Variants in CCDC73 observed in about 807,000 individuals in gnomAD.
The protein encoded by CCDC73 is coiled-coil domain-containing protein 73.
CCDC73 carries 95 observed loss-of-function variants against 116.5 expected under a neutral mutation model. The ratio of observed to expected loss-of-function variants is 0.82; its 90% CI spans 0.69 to 0.97. The LOEUF is 0.97. CCDC73 is among the 50% of genes least tolerant of loss of function. CCDC73 has a pLI of 0.00. For missense variants in CCDC73, 1,066 were observed against 1,206.8 expected, an observed-to-expected ratio of 0.88 and a Z score of 1.73; for synonymous variants, 398 against 401.3, an observed-to-expected ratio of 0.99 and a Z score of 0.10.
intron 1 of CCDC73, among the ~76,000 whole-genome samples, chr11:32,776,942 T>C (rs1329071952): frequency 7.4e-5 from 2 of 26,852 alleles, no homozygotes; most frequent in East Asian, 6.2e-3. Context: ...AAAAAATATA[T>C]ATATATATAT....
At chr11:32,782,647 A>T (rs1850593578) in intron 1 of CCDC73, among the ~76,000 whole-genome samples, 2 of 152,252 alleles carry the variant, frequency 1.3e-5, no homozygotes, top group South Asian at 4.1e-4. Context: ...CAGAGGAAGC[A>T]AACATTAAGC....
intron 3 of CCDC73, among the ~76,000 whole-genome samples, chr11:32,714,198 C>T (rs1322075990): frequency 1.3e-5 from 2 of 152,064 alleles, no homozygotes; most frequent in African/African-American, 2.4e-5. Flanking sequence ...ACTAATGGCA[C>T]ACTGTATCTG....
At chr11:32,723,914 G>A (rs1850010881) in intron 2 of CCDC73, among the ~76,000 whole-genome samples, 1 of 151,600 alleles carries the variant, frequency 6.6e-6, no homozygotes, top group Non-Finnish European at 1.5e-5. Context: ...AAAGACAGAT[G>A]GAAGAAAAAA....
intron 1 of CCDC73, among the ~76,000 whole-genome samples, chr11:32,780,233 G>A (rs1040476145): frequency 7.9e-5 from 12 of 151,774 alleles, no homozygotes; most frequent in African/African-American, 2.4e-4. Context: ...AAGATTGCAC[G>A]ACTGCACTCC....
the CCDC73 span, among the ~76,000 whole-genome samples, chr11:32,826,640 A>C: frequency 7.0e-6 from 1 of 142,852 alleles, no homozygotes; most frequent in African/African-American, 2.7e-5. Flanking sequence ...TTGCTTGATA[A>C]TAACTCAAAA....
chr11:32,739,185 G>A (rs1016730337), intron 2 of CCDC73, among the ~76,000 whole-genome samples: 5 of 151,996 alleles, frequency 3.3e-5, no homozygotes, highest in Admixed American at 2.6e-4. Flanking sequence ...TGGGTCTTTC[G>A]TGGTTCCATA....
intron 12 of CCDC73, among the ~76,000 whole-genome samples, chr11:32,643,755 T>C (rs1469173936): frequency 6.6e-6 from 1 of 152,110 alleles, no homozygotes; most frequent in Non-Finnish European, 1.5e-5. Context: ...AATGTGAAGG[T>C]CTAGGACATT....
intron 2 of CCDC73, among the ~76,000 whole-genome samples, chr11:32,752,392 G>A (rs938934951): frequency 4.6e-5 from 7 of 152,036 alleles, no homozygotes; most frequent in Non-Finnish European, 8.8e-5. Flanking sequence ...GCCCAAGTAA[G>A]CTCAAACAAA....
chr11:32,667,512 A>G (rs1454763465), intron 9 of CCDC73, among the ~76,000 whole-genome samples: 1 of 152,152 alleles, frequency 6.6e-6, no homozygotes, highest in African/African-American at 2.4e-5. Context: ...ACCATTGGAA[A>G]AGCGCAGTAT....
At chr11:32,747,245 A>G (rs963111404) in intron 2 of CCDC73, among the ~76,000 whole-genome samples, 4 of 152,154 alleles carry the variant, frequency 2.6e-5, no homozygotes, top group African/African-American at 9.7e-5. Flanking sequence ...TTGCCTGGGT[A>G]TCACCAGTGG....
At chr11:32,654,321 C>T (rs1440460386) in intron 10 of CCDC73, among the ~76,000 whole-genome samples, 8 of 152,066 alleles carry the variant, frequency 5.3e-5, no homozygotes. Flanking sequence ...TTACAGATGC[C>T]CACCATTACG....
At chr11:32,682,904 T>C (rs1856160824) in intron 7 of CCDC73, 1 of 153,818 alleles carries the variant, frequency 6.5e-6, no homozygotes, top group African/African-American at 2.4e-5. Context: ...GGGATAAATA[T>C]TATATCCTAA....
At chr11:32,829,794 C>T in the CCDC73 span, 9 of 985,410 alleles carry the variant, frequency 9.1e-6, no homozygotes, top group Non-Finnish European at 1.1e-5. Flanking sequence ...GGGGCAGAAG[C>T]TGGGGCGGCT....
the CCDC73 span, among the ~76,000 whole-genome samples, chr11:32,818,820 G>A: frequency 1.6e-4 from 25 of 152,280 alleles, no homozygotes; most frequent in Admixed American, 5.2e-4. Flanking sequence ...AAAAGACTAC[G>A]TATTGTATGA....
chr11:32,637,587 C>T (rs187975738), intron 13 of CCDC73, among the ~76,000 whole-genome samples: 1,872 of 151,746 alleles, frequency 0.012, 15 homozygotes, highest in Non-Finnish European at 0.018. Flanking sequence ...TCCCTCTCCC[C>T]TCCTGCCCCC....
At chr11:32,624,883 G>A (rs932544088) in intron 14 of CCDC73, among the ~76,000 whole-genome samples, 1 of 152,222 alleles carries the variant, frequency 6.6e-6, no homozygotes, top group South Asian at 2.1e-4. Context: ...CCTTTGTAGG[G>A]ACATGGATGA....
At chr11:32,756,429 A>G (rs1446658458) in intron 2 of CCDC73, among the ~76,000 whole-genome samples, 1 of 135,070 alleles carries the variant, frequency 7.4e-6, no homozygotes, top group African/African-American at 2.8e-5. Context: ...ATCTATATAT[A>G]TATCTCCATA....
chr11:32,825,707 C>T, the CCDC73 span, among the ~76,000 whole-genome samples: 1 of 152,190 alleles, frequency 6.6e-6, no homozygotes, highest in Non-Finnish European at 1.5e-5. Context: ...AGTTTTGCAA[C>T]TGATGCCAAA....
At chr11:32,678,399 C>T (rs1176915579) in intron 7 of CCDC73, among the ~76,000 whole-genome samples, 1 of 152,150 alleles carries the variant, frequency 6.6e-6, no homozygotes, top group Non-Finnish European at 1.5e-5. Flanking sequence ...AAATTATCTA[C>T]CCTATTTTTA....
Sources: gnomAD v4.1 joint callset for allele counts (sites outside exome capture counted in the v4.1 genomes callset) on GRCh38, gnomAD v4.1.1 for gene constraint, MANE v1.5 for transcripts, NCBI Gene and HGNC (gene_info 2026-07-23, HGNC 2026-07-21) for gene names.